Variants in FLOT1 observed in about 807,000 individuals in gnomAD.
FLOT1 encodes the protein flotillin 1, also known as flotillin-1.
Under a neutral mutation model 58.4 loss-of-function variants are expected in FLOT1, and 40 were observed. The ratio of observed to expected loss-of-function variants is 0.69; its 90% CI spans 0.53 to 0.89. The LOEUF is 0.89. Ranked by LOEUF, FLOT1 falls within the 40% of genes least tolerant of loss-of-function variation. The pLI, the probability that FLOT1 is intolerant of heterozygous loss-of-function variation, is 0.00. For missense variants in FLOT1, 423 were observed against 540.8 expected, an observed-to-expected ratio of 0.78 and a Z score of 2.16; for synonymous variants, 178 against 204.2, an observed-to-expected ratio of 0.87 and a Z score of 1.09.
Position 30,742,254 on chromosome 6 carries a change from C to T in FLOT1, c.-14-51G>A. 1 of 1,501,810 alleles carries T rather than the reference C, an allele frequency of 6.7e-7. No homozygotes were observed. The highest frequency in any genetic ancestry group is 9.3e-7 in the Non-Finnish European group (1 of 1,078,954). The allele number at this position is 1,501,810 out of a possible 1,614,324, so 93.0% of individuals were successfully genotyped here. A position where few individuals can be genotyped will look rare whatever the true frequency, so the allele number is the denominator to read the frequency against. ...TGCGGATGGGGAAGGCGCGCTGTGGCGTCCACAGGGGCCCATCCTTTCCCT... is the reference window on the plus strand; with the variant it reads ...TGCGGATGGGGAAGGCGCGCTGTGGTGTCCACAGGGGCCCATCCTTTCCCT... On this transcript the variant is annotated intron_variant, in intron 1 of 12. Transcript: ENST00000376389. The surrounding 1 kb of genome is among the most constrained non-coding windows in gnomAD (Gnocchi z 5.2).
At position 30,740,741 on chromosome 6, in the gene FLOT1, C is replaced by T. The variant is rs139305218; in HGVS notation, c.412G>A (p.Asp138Asn). The change falls in exon 6 of 13, where the codon GAC becomes AAC. Residue 138 changes from aspartate (D) to asparagine (N), a missense_variant. Around this residue, in one of 6 missense-constraint regions of FLOT1, gnomAD observed 137 missense variants for 194.6 expected, o/e 0.70. Transcript: ENST00000376389. ...SEQVFKVASS[D>N]LVNMGISVVS... ...ACACTGATGCCCATGTTGACCAGGTCTGAGGAGGCCACTTTGAAAACCTGT... is the reference window on the plus strand; with the variant it reads ...ACACTGATGCCCATGTTGACCAGGTTTGAGGAGGCCACTTTGAAAACCTGT... 15 of 1,612,784 alleles carry T rather than the reference C, an allele frequency of 9.3e-6. No homozygotes were observed. Among genetic ancestry groups the T allele is most frequent in the Non-Finnish European group, 1.3e-5 (15 of 1,179,998 alleles).
In FLOT1 at chr6:30,727,717, C is replaced by T. The variant is rs1776827115; in HGVS notation, c.*399G>A. Reference sequence around the variant, plus strand: ...CTGTGCCGGGCCAAGCATTAATTTCCAGTTGCTTCTGTTTTATTAGTACTT... The same window carrying T: ...CTGTGCCGGGCCAAGCATTAATTTCTAGTTGCTTCTGTTTTATTAGTACTT... On this transcript the variant is annotated 3_prime_UTR_variant, in exon 13 of 13. Coordinates refer to ENST00000376389, the MANE Select transcript of FLOT1 (RefSeq NM_005803.4). 2 of 267,460 alleles carry T rather than the reference C, an allele frequency of 7.5e-6. No individual in the cohort carries two copies. Among genetic ancestry groups the T allele is most frequent in the Non-Finnish European group, 1.5e-5 (2 of 136,826 alleles). 16.6% of individuals were successfully genotyped at this position (267,460 alleles called of 1,614,324 possible).
intron 12 of FLOT1, among the ~76,000 whole-genome samples, chr6:30,728,680 G>A (rs1164838265): frequency 2.6e-5 from 4 of 152,060 alleles, no homozygotes; most frequent in African/African-American, 9.6e-5. Context: ...ATGTTGGCCA[G>A]GGTGATCTCA....
chr6:30,729,013 C>T (rs9501027), intron 12 of FLOT1, among the ~76,000 whole-genome samples: 4,189 of 151,142 alleles, frequency 0.028, 113 homozygotes, highest in East Asian at 0.09. Flanking sequence ...CTCCTGACCT[C>T]GTGATCCGCC....
Position 30,742,084 on chromosome 6 carries a change from G to A in FLOT1, c.43+63C>T. The A allele has an allele frequency of 6.5e-7, 1 of 1,540,976 alleles. No homozygotes were observed. Among genetic ancestry groups the A allele is most frequent in the Non-Finnish European group, 9.0e-7 (1 of 1,116,838 alleles). On this transcript the variant is annotated intron_variant, in intron 2 of 12. Coordinates refer to ENST00000376389, the MANE Select transcript of FLOT1 (RefSeq NM_005803.4). The surrounding 1 kb of genome is among the most constrained non-coding windows in gnomAD (Gnocchi z 5.2). ...GAAGTTGGTAGGGAGAGGGAGAAGGGGCAGAGGCCAGACTCACAGGGGTTC... is the reference window on the plus strand; with the variant it reads ...GAAGTTGGTAGGGAGAGGGAGAAGGAGCAGAGGCCAGACTCACAGGGGTTC...
rs1241536554 is a variant in FLOT1, at chr6:30,741,759, A to G, written c.119+33T>C. ...GAAGAGGAGGAAAAAGAGAAAACGG[A>G]GGTCCCCCTTCCCTGGTTCCCTTCT... On this transcript the variant is annotated intron_variant, in intron 3 of 12. Coordinates refer to ENST00000376389, the MANE Select transcript of FLOT1 (RefSeq NM_005803.4). The surrounding 1 kb of genome is among the most constrained non-coding windows in gnomAD (Gnocchi z 5.9). 12 of 1,610,666 alleles carry G rather than the reference A, an allele frequency of 7.5e-6. No homozygotes were observed. The highest frequency in any genetic ancestry group is 1.3e-5 in the African/African-American group (1 of 74,874).
intron 8 of FLOT1, among the ~76,000 whole-genome samples, chr6:30,736,871 G>A (rs1777603822): frequency 6.6e-6 from 1 of 151,942 alleles, no homozygotes; most frequent in Non-Finnish European, 1.5e-5. Flanking sequence ...GGGATTACAG[G>A]TGTGAACCAC....
intron 8 of FLOT1, among the ~76,000 whole-genome samples, chr6:30,735,134 T>C (rs1562183964): frequency 6.6e-6 from 1 of 152,146 alleles, no homozygotes; most frequent in Non-Finnish European, 1.5e-5. Flanking sequence ...TGATCTCTTT[T>C]TTGGAAGATG....
chr6:30,730,190 G>A lies in FLOT1; in HGVS notation c.1090-4C>T, dbSNP rs1487311539. The A allele has an allele frequency of 6.2e-7, 1 of 1,612,808 alleles. No individual in the cohort carries two copies. The highest frequency in any genetic ancestry group is 8.5e-7 in the Non-Finnish European group (1 of 1,179,864). ...GACCACTGATCTCCTCTGCCACCTG[G>A]CAGGAGAGAGACACCCACTCAGTGC... On this transcript the variant is annotated splice_region_variant and splice_polypyrimidine_tract_variant and intron_variant, in intron 11 of 12. Coordinates refer to ENST00000376389, the MANE Select transcript of FLOT1 (RefSeq NM_005803.4).
chr6:30,740,878 C>G (rs1777928057), intron 5 of FLOT1, 80 bp from the exon 6 acceptor site: 3 of 1,518,410 alleles, frequency 2.0e-6, no homozygotes, highest in Non-Finnish European at 2.6e-6. Flanking sequence ...CCTCTGCCTC[C>G]TGGGTTCAAG....
At chr6:30,739,336 C>T (rs537190373) in intron 8 of FLOT1, among the ~76,000 whole-genome samples, 3 of 152,032 alleles carry the variant, frequency 2.0e-5, no homozygotes, top group Admixed American at 6.6e-5. Flanking sequence ...ATATGATCAG[C>T]CTTATTGATC....
At position 30,741,522 on chromosome 6, in the gene FLOT1, G is replaced by A; in HGVS notation, c.210+92C>T. ...CAGAGGAACTTCTCTGCAGGCAAGG[G>A]TTGAGAAGACTGTGGCCAGAAGATG... On this transcript the variant is annotated intron_variant, in intron 4 of 12. Transcript: ENST00000376389. The surrounding 1 kb of genome is among the most constrained non-coding windows in gnomAD (Gnocchi z 5.9). The A allele has an allele frequency of 1.5e-6, 2 of 1,302,884 alleles. No homozygotes were observed. The highest frequency in any genetic ancestry group is 2.2e-6 in the Non-Finnish European group (2 of 903,114). The allele number at this position is 1,302,884 out of a possible 1,614,324, so 80.7% of individuals were successfully genotyped here.
intron 8 of FLOT1, 128 bp from the exon 9 acceptor site, chr6:30,731,228 T>A: frequency 2.2e-6 from 2 of 898,976 alleles, no homozygotes; most frequent in Non-Finnish European, 3.3e-6. Flanking sequence ...CTCACGCCTG[T>A]AATCCTAGCG....
Position 30,730,522 on chromosome 6 carries a change from C to A in FLOT1, c.995G>T (p.Arg332Leu), listed in dbSNP as rs757846029. The A allele has an allele frequency of 1.2e-6, 2 of 1,610,620 alleles. No individual in the cohort carries two copies. The highest frequency in any genetic ancestry group is 1.7e-6 in the Non-Finnish European group (2 of 1,177,238). ...CTTGGCCATCTGCTCAGCCTCGGCT[C>A]GGGCTCGGGCCCCTATGGCAAAGGC... Reference protein sequence around the residue: ...AEAFAIGARARAEAEQMAKKA... With the variant: ...AEAFAIGARALAEAEQMAKKA... The change falls in exon 11 of 13, where the codon CGA (arginine) becomes CTA (leucine). Residue 332 changes from arginine (R) to leucine (L), a missense_variant. By Grantham distance (102) the Arg-to-Leu change is moderately radical (BLOSUM62 -2). Coordinates refer to ENST00000376389, the MANE Select transcript of FLOT1 (RefSeq NM_005803.4).
At position 30,741,068 on chromosome 6, in the gene FLOT1, T is replaced by C. The variant is rs1025659167; in HGVS notation, c.354+122A>G. The C allele has an allele frequency of 7.8e-7, 1 of 1,277,548 alleles. No homozygotes were observed. Among genetic ancestry groups the C allele is most frequent in the South Asian group, 1.3e-5 (1 of 74,284 alleles). 79.1% of individuals were successfully genotyped at this position (1,277,548 alleles called of 1,614,324 possible). A position where few individuals can be genotyped will look rare whatever the true frequency, so the allele number is the denominator to read the frequency against. ...TCCCAAAGTGCTGGGATTACAGGCA[T>C]GAACCACCCTGCCCGGCCGGGATGT... On this transcript the variant is annotated intron_variant, in intron 5 of 12. Coordinates refer to ENST00000376389, the MANE Select transcript of FLOT1 (RefSeq NM_005803.4). The surrounding 1 kb of genome is among the most constrained non-coding windows in gnomAD (Gnocchi z 5.9).
chr6:30,739,123 T>C (rs953434739), intron 8 of FLOT1, among the ~76,000 whole-genome samples: 1 of 152,204 alleles, frequency 6.6e-6, no homozygotes, highest in Non-Finnish European at 1.5e-5. Context: ...TCCAAGTCCA[T>C]GTTTTCCTTC....
rs1777700077 is a variant in FLOT1, at chr6:30,737,766, TTA to T, written c.723+2390_723+2391del. Among the ~76,000 whole-genome samples the T allele has an allele frequency of 6.6e-6, 1 of 152,168 alleles. No individual in the cohort carries two copies. The highest frequency in any genetic ancestry group is 6.5e-5 in the Admixed American group (1 of 15,278). On this transcript the variant is annotated intron_variant, in intron 8 of 12. Transcript: ENST00000376389. This position sits in a 1 kb window ranked among gnomAD's most constrained non-coding sequence, Gnocchi z 4.4. ...TTCCTTCACAGCACCTAAACAAGAA[TTA>T]TAGCCTGGGAAGGTCATTTACTTGC...
Position 30,742,132 on chromosome 6 carries a change from A to T in FLOT1, c.43+15T>A, listed in dbSNP as rs766467740. 2 of 1,612,008 alleles carry T rather than the reference A, an allele frequency of 1.2e-6. No homozygotes were observed. Among genetic ancestry groups the T allele is most frequent in the African/African-American group, 2.7e-5 (2 of 74,866 alleles). On this transcript the variant is annotated intron_variant, in intron 2 of 12. Coordinates refer to ENST00000376389, the MANE Select transcript of FLOT1 (RefSeq NM_005803.4). This position sits in a 1 kb window ranked among gnomAD's most constrained non-coding sequence, Gnocchi z 5.2. ...TTCTGGGGTCACTGGCTGGGAAGGG[A>T]ACAACAGTACTTACCGGAGACCACC...
At chr6:30,740,113 G>A in intron 8 of FLOT1, 45 bp downstream of exon 8, 2 of 1,595,396 alleles carry the variant, frequency 1.3e-6, no homozygotes, top group African/African-American at 2.7e-5. Flanking sequence ...GACAGCCTGA[G>A]AGGAATGGGG....
Sources: allele counts gnomAD v4.1 joint callset (sites outside exome capture counted in the v4.1 genomes callset), GRCh38; gene constraint gnomAD v4.1.1; regional missense constraint gnomAD v4.1.1; non-coding constraint Gnocchi (gnomAD v3.1); transcripts MANE v1.5; gene names NCBI Gene and HGNC (gene_info 2026-07-23, HGNC 2026-07-21).